The following OTUD7A variants were observed in gnomAD, a reference collection of about 807,000 sequenced individuals.
The protein encoded by OTUD7A is OTU deubiquitinase 7A.
OTUD7A carries 12 observed loss-of-function variants against 65.7 expected under a neutral mutation model. The observed-to-expected ratio is 0.18, with a 90% confidence interval of 0.12 to 0.30. OTUD7A has a LOEUF of 0.30. Among genes scored for constraint, OTUD7A ranks in the 10% least tolerant of loss-of-function variants. The pLI, the probability that OTUD7A is intolerant of heterozygous loss-of-function variation, is 1.00. For missense variants in OTUD7A, 1,148 were observed against 1,304.8 expected (o/e 0.88, Z 1.85); for synonymous variants, 641 against 586.3 (o/e 1.09, Z -1.35).
intron 1 of OTUD7A, chr15:31,765,887 T>C (rs1288908192): frequency 2.4e-6 from 3 of 1,272,700 alleles, no homozygotes; most frequent in East Asian, 2.3e-5. Context: ...TCTGAAACTA[T>C]TTTAGTTTTT....
intron 1 of OTUD7A, among the ~76,000 whole-genome samples, chr15:31,681,600 T>A (rs1469936336): frequency 1.4e-5 from 2 of 142,992 alleles, no homozygotes; most frequent in African/African-American, 5.4e-5. Context: ...TCCCCCTCCC[T>A]CCTTTCCTTT....
intron 10 of OTUD7A, among the ~76,000 whole-genome samples, chr15:31,489,337 C>T (rs1469230870): frequency 6.6e-6 from 1 of 152,184 alleles, no homozygotes; most frequent in Non-Finnish European, 1.5e-5. Flanking sequence ...TAAAATCAAG[C>T]AAATTCAGGA....
chr15:31,747,875 C>T (rs546665051), intron 1 of OTUD7A, among the ~76,000 whole-genome samples: 1 of 152,270 alleles, frequency 6.6e-6, no homozygotes, highest in Non-Finnish European at 1.5e-5. Context: ...AGGGACATAA[C>T]ATCACTTCCG....
chr15:31,550,103 G>GAAAA (rs11413883), intron 5 of OTUD7A, among the ~76,000 whole-genome samples: 5 of 127,232 alleles, frequency 3.9e-5, no homozygotes, highest in African/African-American at 9.1e-5. Context: ...CTGTCTCCAG[G>GAAAA]AAAAAAAAAA....
chr15:31,832,046 T>C (rs1211919169), intron 1 of OTUD7A, among the ~76,000 whole-genome samples: 2 of 152,194 alleles, frequency 1.3e-5, no homozygotes, highest in Admixed American at 1.3e-4. Flanking sequence ...ATTACACAGG[T>C]GTATGGATTT....
intron 8 of OTUD7A, among the ~76,000 whole-genome samples, chr15:31,518,532 C>T (rs1389741300): frequency 2.0e-5 from 3 of 152,154 alleles, no homozygotes; most frequent in African/African-American, 7.2e-5. Context: ...TGAGTAAATG[C>T]GCATAAACTG....
chr15:31,487,292 A>T lies in OTUD7A; in HGVS notation c.1287-14T>A. ...GACAGGATAAGGCTGGCAAGAGAAG[A>T]ATATCCTATTGAAATGGTCTGAGCT... On this transcript the variant is annotated splice_polypyrimidine_tract_variant and intron_variant, in intron 11 of 12. Coordinates refer to ENST00000307050, the MANE Select transcript of OTUD7A (RefSeq NM_001382637.1). The surrounding 1 kb of genome is among the most constrained non-coding windows in gnomAD (Gnocchi z 6.0). 1 of 1,613,408 alleles carries T rather than the reference A, an allele frequency of 6.2e-7. No individual in the cohort carries two copies. Among genetic ancestry groups the T allele is most frequent in the Non-Finnish European group, 8.5e-7 (1 of 1,179,444 alleles).
At position 31,860,671 on chromosome 15, in the gene OTUD7A, A is replaced by G. The variant is rs868217249; in HGVS notation, c.-100+9836T>C. Reference sequence around the variant, plus strand: ...TATGTATGTGTGTATATATAGATGTATGTGTGTATATATATATATATATAT... The same window carrying G: ...TATGTATGTGTGTATATATAGATGTGTGTGTGTATATATATATATATATAT... On this transcript the variant is annotated intron_variant, in intron 1 of 12. Coordinates refer to ENST00000307050, the MANE Select transcript of OTUD7A (RefSeq NM_001382637.1). 7.9e-3 allele frequency among the ~76,000 whole-genome samples: 305 copies of G among 38,552 alleles called. 8 individuals carry two copies. Among genetic ancestry groups the G allele is most frequent in the Middle Eastern group, 0.048 (3 of 62 alleles). 25.3% of individuals were successfully genotyped at this position (38,552 alleles called of 152,430 possible). A position where few individuals can be genotyped will look rare whatever the true frequency, so the allele number is the denominator to read the frequency against.
chr15:31,782,559 G>A (rs2140927770), intron 1 of OTUD7A, among the ~76,000 whole-genome samples: 1 of 152,318 alleles, frequency 6.6e-6, no homozygotes, highest in East Asian at 1.9e-4. Flanking sequence ...ACACCCAGGG[G>A]CACGGGAGAT....
At chr15:31,629,201 C>A (rs1214583364) in intron 3 of OTUD7A, among the ~76,000 whole-genome samples, 1 of 152,104 alleles carries the variant, frequency 6.6e-6, no homozygotes, top group Non-Finnish European at 1.5e-5. Context: ...CCAGTTTTTG[C>A]CCATTCAGTA....
chr15:31,682,166 C>A (rs1892732712), intron 1 of OTUD7A, among the ~76,000 whole-genome samples: 1 of 152,132 alleles, frequency 6.6e-6, no homozygotes, highest in South Asian at 2.1e-4. Context: ...CCATGTAGAC[C>A]TGGAGAACAA....
intron 10 of OTUD7A, among the ~76,000 whole-genome samples, chr15:31,496,207 A>G (rs906303283): frequency 4.0e-5 from 6 of 150,772 alleles, no homozygotes; most frequent in Admixed American, 3.3e-4. Context: ...GACCAATTTG[A>G]TTGGTATTTG....
intron 3 of OTUD7A, among the ~76,000 whole-genome samples, chr15:31,610,098 GA>G (rs1275724732): frequency 2.6e-5 from 4 of 152,188 alleles, no homozygotes; most frequent in Non-Finnish European, 5.9e-5. Context: ...TACCAAATGA[GA>G]AGGAACCAGA....
At chr15:31,834,950 G>A (rs369014740) in intron 1 of OTUD7A, among the ~76,000 whole-genome samples, 2 of 152,228 alleles carry the variant, frequency 1.3e-5, no homozygotes, top group African/African-American at 4.8e-5. Flanking sequence ...AGTGAGCAAC[G>A]ATGGTGCAGG....
intron 3 of OTUD7A, among the ~76,000 whole-genome samples, chr15:31,606,235 C>G (rs1187945052): frequency 6.6e-6 from 1 of 152,210 alleles, no homozygotes; most frequent in African/African-American, 2.4e-5. Flanking sequence ...CTTTGTTTAA[C>G]TATTTTACCA....
chr15:31,504,665 G>A (rs553297335), intron 8 of OTUD7A, among the ~76,000 whole-genome samples: 1 of 138,330 alleles, frequency 7.2e-6, no homozygotes, highest in African/African-American at 2.8e-5. Context: ...TTGTTCCTGA[G>A]TGTTTGAGGA....
intron 1 of OTUD7A, among the ~76,000 whole-genome samples, chr15:31,778,767 TACAC>T (rs372445306): frequency 2.6e-5 from 4 of 151,606 alleles, no homozygotes; most frequent in South Asian, 4.2e-4. Flanking sequence ...GACACGCACA[TACAC>T]ACACACACAC....
intron 1 of OTUD7A, among the ~76,000 whole-genome samples, chr15:31,788,299 G>A (rs1895726659): frequency 6.6e-6 from 1 of 152,144 alleles, no homozygotes; most frequent in Non-Finnish European, 1.5e-5. Flanking sequence ...CAAACCACAG[G>A]AACCCACAAG....
chr15:31,769,925 C>T (rs1895189878), intron 1 of OTUD7A, among the ~76,000 whole-genome samples: 1 of 152,038 alleles, frequency 6.6e-6, no homozygotes, highest in East Asian at 1.9e-4. Flanking sequence ...GTGTTAAACT[C>T]AGAACTATAC....
Sources: allele counts gnomAD v4.1 joint callset (sites outside exome capture counted in the v4.1 genomes callset), GRCh38; gene constraint gnomAD v4.1.1; non-coding constraint Gnocchi (gnomAD v3.1); transcripts MANE v1.5; gene names NCBI Gene and HGNC (gene_info 2026-07-23, HGNC 2026-07-21).